The following DTNA variants were observed in gnomAD, a reference collection of about 807,000 sequenced individuals.
DTNA encodes the protein dystrophin-related protein 3.
Under a neutral mutation model 100.7 loss-of-function variants are expected in DTNA, and 43 were observed. That is an observed-to-expected ratio of 0.43 (90% confidence interval 0.33 to 0.55). The LOEUF (loss-of-function observed/expected upper bound fraction) is 0.55, where lower values mean the gene tolerates loss of function less well. DTNA is among the 20% of genes least tolerant of loss of function. The pLI, the probability that DTNA is intolerant of heterozygous loss-of-function variation, is 0.04. For synonymous variants in DTNA, 349 were observed against 347.9 expected (o/e 1.00, Z -0.04); for missense variants, 798 against 953.9 (o/e 0.84, Z 2.15).
intron 13 of DTNA, among the ~76,000 whole-genome samples, chr18:34,846,477 T>C (rs954119301): frequency 1.3e-5 from 2 of 152,174 alleles, no homozygotes; most frequent in African/African-American, 4.8e-5. Context: ...AGCCTCTTTT[T>C]CTGAGGAGGG....
chr18:34,557,496 G>C lies in DTNA; in HGVS notation c.-2+63982G>C, dbSNP rs2046197260. On this transcript the variant is annotated intron_variant, in intron 1 of 19. Transcript: ENST00000283365. The stretch of plus-strand genomic sequence containing the variant: ...GTTCTGTTTTTTCCCCATCTTTGTG[G>C]TTTTATCTACTTTTGGTCTTTGATG... 2.0e-5 allele frequency among the ~76,000 whole-genome samples: 3 copies of C among 151,826 alleles called. No individual in the cohort carries two copies. The South Asian group carries it at 6.2e-4, about 31-fold the overall frequency.
intron 4 of DTNA, among the ~76,000 whole-genome samples, chr18:34,795,749 C>G (rs764239221): frequency 1.4e-4 from 21 of 152,128 alleles, no homozygotes; most frequent in Non-Finnish European, 2.2e-4. Context: ...GAATCAAAGC[C>G]AAATAATCAT....
intron 1 of DTNA, among the ~76,000 whole-genome samples, chr18:34,609,614 T>C (rs994511259): frequency 9.8e-5 from 15 of 152,288 alleles, no homozygotes; most frequent in South Asian, 8.3e-4. Context: ...GTGCCTGATA[T>C]AGCTACTGTC....
At chr18:34,884,548 T>A (rs1345885179) in intron 21 of DTNA, among the ~76,000 whole-genome samples, 180 bp from the exon 22 acceptor site, 1 of 152,172 alleles carries the variant, frequency 6.6e-6, no homozygotes, top group African/African-American at 2.4e-5. Context: ...TCAAAGTGGT[T>A]TTCCTTGAAT....
chr18:34,661,239 A>G (rs899586249), intron 1 of DTNA, among the ~76,000 whole-genome samples: 1 of 152,188 alleles, frequency 6.6e-6, no homozygotes, highest in South Asian at 2.1e-4. Context: ...GGTACTATTA[A>G]ATACTTAAAA....
At position 34,564,291 on chromosome 18, in the gene DTNA, C is replaced by T. The variant is rs187102396; in HGVS notation, c.-2+70777C>T. On this transcript the variant is annotated intron_variant, in intron 1 of 19. Transcript: ENST00000283365. ...CCCAGTAGCTGGGATTACAGGCACG[C>T]GCCACTACGTCCAGCTACTTTTTTG... Among the ~76,000 whole-genome samples, 155 of 152,126 alleles carry T rather than the reference C, an allele frequency of 1.0e-3. 1 individual carries two copies. The highest frequency in any genetic ancestry group is 3.5e-3 in the African/African-American group (144 of 41,486).
At chr18:34,867,274 C>G in intron 17 of DTNA, 1 of 1,231,084 alleles carries the variant, frequency 8.1e-7, no homozygotes, top group Non-Finnish European at 1.0e-6. Context: ...TTCCCATGGT[C>G]TGTAAAAAAG....
intron 10 of DTNA, among the ~76,000 whole-genome samples, chr18:34,828,820 G>T (rs1380481939): frequency 3.3e-5 from 5 of 152,062 alleles, no homozygotes; most frequent in Non-Finnish European, 5.9e-5. Flanking sequence ...CTTCCTTTTA[G>T]CACTCTTTTT....
intron 1 of DTNA, among the ~76,000 whole-genome samples, chr18:34,603,183 C>G (rs2147250001): frequency 6.6e-6 from 1 of 151,524 alleles, no homozygotes; most frequent in East Asian, 1.9e-4. Flanking sequence ...TGCTCCCCAG[C>G]CTGGGCAGCA....
Position 34,882,177 on chromosome 18 carries a change from G to A in DTNA, c.2271G>A (p.Gln757=). ...NELQMEEYLK[Q]KLQDEAYQVS... Reference sequence around the variant, plus strand: ...TCCAGATGGAGGAATACCTGAAACAGAAGCTGCAAGATGAAGCTTATCAGG... The same window carrying A: ...TCCAGATGGAGGAATACCTGAAACAAAAGCTGCAAGATGAAGCTTATCAGG... Residue 757 remains glutamine, a synonymous_variant, in exon 21 of 23, where the codon CAG becomes CAA. Transcript: ENST00000444659. 2 of 1,613,970 alleles carry A rather than the reference G, an allele frequency of 1.2e-6. No homozygotes were observed. The highest frequency in any genetic ancestry group is 1.7e-6 in the Non-Finnish European group (2 of 1,179,968).
At chr18:34,631,394 A>T (rs2058062085) in intron 1 of DTNA, among the ~76,000 whole-genome samples, 2 of 152,214 alleles carry the variant, frequency 1.3e-5, no homozygotes, top group Non-Finnish European at 2.9e-5. Flanking sequence ...ATTTCACAAT[A>T]ACTCAATGAG....
At chr18:34,575,591 T>C (rs2048035645) in intron 1 of DTNA, among the ~76,000 whole-genome samples, 1 of 152,242 alleles carries the variant, frequency 6.6e-6, no homozygotes, top group Non-Finnish European at 1.5e-5. Flanking sequence ...CCTTTACCTT[T>C]GTATAAAAGT....
chr18:34,812,635 A>G (rs76629530), intron 6 of DTNA, among the ~76,000 whole-genome samples: 1 of 152,070 alleles, frequency 6.6e-6, no homozygotes, highest in Non-Finnish European at 1.5e-5. Flanking sequence ...TGAAAACAGC[A>G]TGGGGGAACC....
At chr18:34,506,352 G>C (rs1438870204) in intron 1 of DTNA, among the ~76,000 whole-genome samples, 2 of 152,106 alleles carry the variant, frequency 1.3e-5, no homozygotes, top group African/African-American at 4.8e-5. Flanking sequence ...GAGGAATAGG[G>C]GGGGTCTTTA....
intron 1 of DTNA, among the ~76,000 whole-genome samples, chr18:34,678,774 A>G (rs1398538764): frequency 6.6e-6 from 1 of 152,146 alleles, no homozygotes; most frequent in Non-Finnish European, 1.5e-5. Context: ...TGTCTCTTTC[A>G]GTTCTCATTT....
chr18:34,613,461 C>T (rs2054620473), intron 1 of DTNA, among the ~76,000 whole-genome samples: 1 of 152,162 alleles, frequency 6.6e-6, no homozygotes, highest in African/African-American at 2.4e-5. Flanking sequence ...GAAAGCTAGG[C>T]CTCTTGCACC....
chr18:34,591,224 A>G (rs1261756079), intron 1 of DTNA, among the ~76,000 whole-genome samples: 1 of 152,128 alleles, frequency 6.6e-6, no homozygotes, highest in Admixed American at 6.5e-5. Flanking sequence ...CATACATAAG[A>G]TGTATAATGA....
chr18:34,520,275 C>T (rs1213093720), intron 1 of DTNA, among the ~76,000 whole-genome samples: 1 of 152,198 alleles, frequency 6.6e-6, no homozygotes, highest in Non-Finnish European at 1.5e-5. Flanking sequence ...ATCCAAAGAA[C>T]ACTTTTAAAT....
In DTNA at chr18:34,769,725, C is replaced by CTTTTTTT. The variant is rs61242937; in HGVS notation, c.148+3693_148+3699dup. ...GAAGAAGCAAGGCAGCCCTCTGGGG[C>CTTTTTTT]TTTTTTTTTTTTTTTGACAGAGTTT... On this transcript the variant is annotated intron_variant, in intron 3 of 22. Transcript: ENST00000444659. Among the ~76,000 whole-genome samples the CTTTTTTT allele has an allele frequency of 1.4e-3, 73 of 53,882 alleles. 14 individuals carry two copies. Among genetic ancestry groups the CTTTTTTT allele is most frequent in the Admixed American group, 2.7e-3 (9 of 3,306 alleles). 35.3% of individuals were successfully genotyped at this position (53,882 alleles called of 152,430 possible).
Sources: allele counts gnomAD v4.1 joint callset (sites outside exome capture counted in the v4.1 genomes callset), GRCh38; gene constraint gnomAD v4.1.1; transcripts MANE v1.5; gene names NCBI Gene and HGNC (gene_info 2026-07-23, HGNC 2026-07-21).